XPO6: variants seen among roughly 807,000 people sequenced by gnomAD.
The protein encoded by XPO6 is exportin-6.
Under a neutral mutation model 130.0 loss-of-function variants are expected in XPO6, and 3 were observed. The observed-to-expected ratio is 0.02, with a 90% CI of 0.01 to 0.06. The LOEUF (loss-of-function observed/expected upper bound fraction) is 0.06, where lower values mean the gene tolerates loss of function less well. XPO6 is among the 10% of genes least tolerant of loss of function. The pLI is 1.00. For synonymous variants in XPO6, 524 were observed against 548.9 expected (o/e 0.95, Z 0.63); for missense variants, 970 against 1,393.0 (o/e 0.70, Z 4.83).
chr16:28,210,445 T>C (rs2044109110), intron 1 of XPO6, among the ~76,000 whole-genome samples: 2 of 152,224 alleles, frequency 1.3e-5, no homozygotes, highest in Non-Finnish European at 2.9e-5. Flanking sequence ...AAGGGCTTAC[T>C]ATGTGCCAGG....
chr16:28,105,294 A>C (rs1596778747), intron 20 of XPO6, among the ~76,000 whole-genome samples: 1 of 152,340 alleles, frequency 6.6e-6, no homozygotes, highest in Non-Finnish European at 1.5e-5. Flanking sequence ...GAGAGGAGTT[A>C]GAGGAGAAGG....
intron 9 of XPO6, among the ~76,000 whole-genome samples, chr16:28,140,532 G>GCTGAGT (rs1431794372): frequency 4.0e-5 from 6 of 151,846 alleles, no homozygotes; most frequent in African/African-American, 1.5e-4. Context: ...ACAAAAATTA[G>GCTGAGT]CTGAGTGTGG....
chr16:28,103,998 G>A (rs987686053), intron 21 of XPO6, among the ~76,000 whole-genome samples: 2 of 152,212 alleles, frequency 1.3e-5, no homozygotes, highest in Non-Finnish European at 2.9e-5. Flanking sequence ...AGAGCAGGCT[G>A]GCTGTCTGGG....
chr16:28,154,781 C>G (rs2043157291), intron 7 of XPO6, among the ~76,000 whole-genome samples: 1 of 151,890 alleles, frequency 6.6e-6, no homozygotes, highest in African/African-American at 2.4e-5. Context: ...GTCAAAACAA[C>G]TGATATTTGA....
intron 4 of XPO6, 65 bp downstream of exon 4, chr16:28,175,833 A>C (rs2043526034): frequency 6.7e-7 from 1 of 1,482,424 alleles, no homozygotes; most frequent in Non-Finnish European, 9.4e-7. Flanking sequence ...TCTTCAGGAC[A>C]AGGAAATAAT....
intron 9 of XPO6, among the ~76,000 whole-genome samples, chr16:28,136,308 C>T (rs750423273): frequency 5.9e-5 from 9 of 152,216 alleles, no homozygotes; most frequent in Non-Finnish European, 1.3e-4. Context: ...CAACCTCCGC[C>T]TCCCCAGGTT....
intron 9 of XPO6, among the ~76,000 whole-genome samples, chr16:28,140,603 G>A (rs1476394495): frequency 4.0e-5 from 6 of 151,462 alleles, no homozygotes; most frequent in Admixed American, 6.6e-5. Context: ...GCTTGAACCC[G>A]GGAAGCAGAG....
intron 5 of XPO6, among the ~76,000 whole-genome samples, chr16:28,169,486 C>T (rs1487836262): frequency 6.6e-6 from 1 of 152,180 alleles, no homozygotes; most frequent in Non-Finnish European, 1.5e-5. Context: ...TAGGTATACT[C>T]CTATGACCTG....
At chr16:28,149,595 C>G (rs937215759) in intron 8 of XPO6, among the ~76,000 whole-genome samples, 2 of 152,136 alleles carry the variant, frequency 1.3e-5, no homozygotes, top group African/African-American at 2.4e-5. Flanking sequence ...GTATTCTACA[C>G]AGTAGAATAG....
intron 2 of XPO6, chr16:28,179,295 C>A (rs2043580716): frequency 6.6e-6 from 1 of 152,114 alleles, no homozygotes; most frequent in South Asian, 2.1e-4. Flanking sequence ...AACCCCTGGG[C>A]TCAAGTGATC....
intron 1 of XPO6, among the ~76,000 whole-genome samples, chr16:28,201,861 T>A (rs1325620383): frequency 6.6e-6 from 1 of 151,846 alleles, no homozygotes; most frequent in East Asian, 1.9e-4. Context: ...TCTCAAAAAA[T>A]AATAATAATA....
intron 20 of XPO6, 50 bp downstream of exon 20, chr16:28,105,993 C>A: frequency 1.3e-6 from 2 of 1,581,414 alleles, no homozygotes; most frequent in Non-Finnish European, 1.7e-6. Flanking sequence ...TCATTCCCTT[C>A]CCAATCTGGA....
At chr16:28,153,417 G>A in intron 7 of XPO6, 3 of 984,696 alleles carry the variant, frequency 3.0e-6, no homozygotes, top group Non-Finnish European at 3.6e-6. Flanking sequence ...GAAGCCCAGA[G>A]AGGTAAAGTG....
intron 21 of XPO6, among the ~76,000 whole-genome samples, chr16:28,103,534 C>T (rs1025387493): frequency 2.6e-5 from 4 of 152,232 alleles, no homozygotes; most frequent in African/African-American, 9.6e-5. Context: ...AGTAACTACA[C>T]ACTTAACTTT....
chr16:28,105,886 C>G (rs2086765548), intron 20 of XPO6, 157 bp downstream of exon 20: 2 of 1,089,890 alleles, frequency 1.8e-6, no homozygotes, highest in East Asian at 4.8e-5. Context: ...AACACTGTAC[C>G]ACACCACTAA....
intron 1 of XPO6, among the ~76,000 whole-genome samples, chr16:28,197,983 A>C (rs1344841693): frequency 7.7e-6 from 1 of 129,476 alleles, no homozygotes; most frequent in Non-Finnish European, 1.7e-5. Flanking sequence ...AAAAAAAAAA[A>C]AAAAAACCCT....
chr16:28,177,968 C>T (rs58727144), intron 2 of XPO6, among the ~76,000 whole-genome samples: 8,168 of 152,228 alleles, frequency 0.054, 567 homozygotes, highest in East Asian at 0.17. Context: ...CCACACATCA[C>T]GTTGGTTAGA....
chr16:28,141,309 T>C (rs2042887238), intron 9 of XPO6, among the ~76,000 whole-genome samples: 1 of 152,124 alleles, frequency 6.6e-6, no homozygotes, highest in Non-Finnish European at 1.5e-5. Flanking sequence ...CACACTCAGG[T>C]TTCTTCACCT....
At chr16:28,138,409 G>T (rs1182933394) in intron 9 of XPO6, among the ~76,000 whole-genome samples, 1 of 152,070 alleles carries the variant, frequency 6.6e-6, no homozygotes, top group Non-Finnish European at 1.5e-5. Flanking sequence ...CTATGCAAAT[G>T]TAACCCTAAA....
Sources: gnomAD v4.1 joint callset for allele counts (sites outside exome capture counted in the v4.1 genomes callset) on GRCh38, gnomAD v4.1.1 for gene constraint, MANE v1.5 for transcripts, NCBI Gene and HGNC (gene_info 2026-07-23, HGNC 2026-07-21) for gene names.